RAD51B: variants seen among roughly 807,000 people sequenced by gnomAD.
The protein encoded by RAD51B is DNA repair protein RAD51 homolog 2.
A neutral mutation model predicts 42.2 loss-of-function variants in RAD51B; 38 were observed. That is an observed-to-expected ratio of 0.90 (90% CI 0.70 to 1.18). The LOEUF is 1.18. RAD51B is among the 50% of genes most tolerant of loss of function. The probability of loss-of-function intolerance (pLI) is 0.00; values close to 1 mark genes in which losing one functional copy is unlikely to be tolerated. For synonymous variants in RAD51B, 154 were observed against 145.2 expected, an observed-to-expected ratio of 1.06 and a Z score of -0.43; for missense variants, 373 against 400.7, an observed-to-expected ratio of 0.93 and a Z score of 0.59.
chr14:68,573,622 G>C (rs952516550), intron 10 of RAD51B, among the ~76,000 whole-genome samples: 4 of 152,180 alleles, frequency 2.6e-5, no homozygotes, highest in African/African-American at 9.7e-5. Context: ...CTCTCCCACG[G>C]GGAATAAAGC....
intron 1 of RAD51B, among the ~76,000 whole-genome samples, chr14:67,821,709 G>T (rs1302451511): frequency 6.6e-6 from 1 of 152,140 alleles, no homozygotes. Context: ...CAATTTGCCT[G>T]CCTTAGCCTC....
chr14:68,369,652 A>G (rs10483809), intron 8 of RAD51B, among the ~76,000 whole-genome samples: 15,569 of 152,162 alleles, frequency 0.1, 930 homozygotes, highest in African/African-American at 0.15. Context: ...CACTTTCCCT[A>G]TCGATACTTC....
At chr14:68,218,920 G>A (rs1010965848) in intron 7 of RAD51B, among the ~76,000 whole-genome samples, 2 of 152,196 alleles carry the variant, frequency 1.3e-5, no homozygotes, top group Non-Finnish European at 2.9e-5. Context: ...CAGTGATAGG[G>A]GAGCAGAATG....
chr14:68,647,064 T>A (rs1194551518), intron 10 of RAD51B, among the ~76,000 whole-genome samples: 1 of 152,194 alleles, frequency 6.6e-6, no homozygotes, highest in Non-Finnish European at 1.5e-5. Context: ...AAGGAAAAAT[T>A]AAAATAAAAA....
intron 10 of RAD51B, among the ~76,000 whole-genome samples, chr14:68,560,977 C>T (rs1889118220): frequency 6.6e-6 from 1 of 152,198 alleles, no homozygotes; most frequent in Non-Finnish European, 1.5e-5. Flanking sequence ...GATTCAGGAA[C>T]GCCTGAAATG....
chr14:68,189,914 C>G (rs1044878137), intron 7 of RAD51B, among the ~76,000 whole-genome samples: 1 of 152,108 alleles, frequency 6.6e-6, no homozygotes, highest in African/African-American at 2.4e-5. Flanking sequence ...GATCCACCTG[C>G]CTTAGCCTCC....
chr14:68,526,644 A>C (rs942402283), intron 10 of RAD51B, among the ~76,000 whole-genome samples: 1 of 152,180 alleles, frequency 6.6e-6, no homozygotes. Flanking sequence ...GGGAGAGGGC[A>C]TCTTATTGCT....
chr14:68,397,510 G>A (rs932910816), intron 8 of RAD51B, among the ~76,000 whole-genome samples: 4 of 152,214 alleles, frequency 2.6e-5, no homozygotes, highest in African/African-American at 9.6e-5. Flanking sequence ...TTAAAGCAAG[G>A]TCATCTCCAT....
At chr14:68,016,067 T>C (rs2075772908) in intron 7 of RAD51B, among the ~76,000 whole-genome samples, 1 of 152,188 alleles carries the variant, frequency 6.6e-6, no homozygotes, top group African/African-American at 2.4e-5. Flanking sequence ...TTGAAGACAG[T>C]TCACAGTCAC....
chr14:68,111,543 C>T (rs755741405), intron 7 of RAD51B, among the ~76,000 whole-genome samples: 1 of 152,086 alleles, frequency 6.6e-6, no homozygotes, highest in Non-Finnish European at 1.5e-5. Flanking sequence ...CTTTCTTTCA[C>T]ATATTGAATG....
At chr14:67,838,169 A>G (rs1421337455) in intron 4 of RAD51B, among the ~76,000 whole-genome samples, 3 of 152,200 alleles carry the variant, frequency 2.0e-5, no homozygotes, top group Admixed American at 2.0e-4. Context: ...TGTATGTACC[A>G]CATATTTATC....
At chr14:68,114,340 G>A (rs1595416328) in intron 7 of RAD51B, among the ~76,000 whole-genome samples, 1 of 152,124 alleles carries the variant, frequency 6.6e-6, no homozygotes, top group South Asian at 2.1e-4. Flanking sequence ...AATTGAAATG[G>A]TTCCACATTA....
intron 10 of RAD51B, among the ~76,000 whole-genome samples, chr14:68,473,728 A>G (rs998884510): frequency 5.3e-4 from 80 of 152,294 alleles, no homozygotes; most frequent in African/African-American, 1.8e-3. Flanking sequence ...TTTTATTTAC[A>G]GGAATGAAAC....
intron 7 of RAD51B, among the ~76,000 whole-genome samples, chr14:68,104,361 A>T (rs57826383): frequency 0.014 from 2,177 of 152,190 alleles, 54 homozygotes; most frequent in African/African-American, 0.049. Context: ...TGTTTTAAGA[A>T]CTCAAAAAAG....
At chr14:67,873,247 A>G (rs1410929189) in intron 5 of RAD51B, among the ~76,000 whole-genome samples, 1 of 152,078 alleles carries the variant, frequency 6.6e-6, no homozygotes, top group African/African-American at 2.4e-5. Context: ...TACAAGAAAA[A>G]AACAAACAAC....
At position 68,477,785 on chromosome 14, in the gene RAD51B, T is replaced by G. The variant is rs1291012460; in HGVS notation, c.*121T>G. On this transcript the variant is annotated 3_prime_UTR_variant, in exon 11 of 11. Coordinates refer to ENST00000471583, the MANE Select transcript of RAD51B (RefSeq NM_133510.4). ...ATGGGGATTAATTAGTTGATTGCTG[T>G]TGAGATGGTAACAGATTTGCTCCTA... The G allele has an allele frequency of 6.5e-7, 1 of 1,539,328 alleles. No individual in the cohort carries two copies. The highest frequency in any genetic ancestry group is 8.7e-7 in the Non-Finnish European group (1 of 1,147,800).
At chr14:68,185,952 A>G (rs1881982877) in intron 7 of RAD51B, among the ~76,000 whole-genome samples, 1 of 152,156 alleles carries the variant, frequency 6.6e-6, no homozygotes, top group African/African-American at 2.4e-5. Flanking sequence ...ACATTACCCA[A>G]CTGGAAACTA....
chr14:68,541,116 T>C, intron 10 of RAD51B: 2 of 985,434 alleles, frequency 2.0e-6, no homozygotes, highest in Non-Finnish European at 2.4e-6. Context: ...TGTTTCCAGA[T>C]GTGTAGGTTT....
intron 7 of RAD51B, among the ~76,000 whole-genome samples, chr14:68,138,538 G>A (rs544944669): frequency 5.3e-5 from 8 of 152,108 alleles, no homozygotes; most frequent in African/African-American, 1.9e-4. Flanking sequence ...AAGCATTTTG[G>A]ATAAAAACTT....
Sources: gnomAD v4.1 joint callset for allele counts (sites outside exome capture counted in the v4.1 genomes callset) on GRCh38, gnomAD v4.1.1 for gene constraint, MANE v1.5 for transcripts, NCBI Gene and HGNC (gene_info 2026-07-23, HGNC 2026-07-21) for gene names.